Variants in PRKAG2 observed in about 807,000 individuals in gnomAD.
PRKAG2 encodes the protein 5'-AMP-activated protein kinase subunit gamma-2.
A neutral mutation model predicts 69.6 loss-of-function variants in PRKAG2; 26 were observed. The ratio of observed to expected loss-of-function variants is 0.37; its 90% confidence interval spans 0.27 to 0.52. PRKAG2 has a LOEUF of 0.52. Among genes scored for constraint, PRKAG2 ranks in the 20% least tolerant of loss-of-function variants. The pLI, the probability that PRKAG2 is intolerant of heterozygous loss-of-function variation, is 0.90. For missense variants in PRKAG2, 557 were observed against 740.0 expected (o/e 0.75, Z 2.87); for synonymous variants, 293 against 285.0 (o/e 1.03, Z -0.28).
chr7:151,813,528 C>T lies in PRKAG2; in HGVS notation c.115-26987G>A, dbSNP rs549186324. 1.1e-4 allele frequency among the ~76,000 whole-genome samples: 17 copies of T among 151,152 alleles called. 1 individual carries two copies. The highest frequency in any genetic ancestry group is 9.9e-4 in the Admixed American group (15 of 15,172). On this transcript the variant is annotated intron_variant, in intron 1 of 15. Coordinates refer to ENST00000287878, the MANE Select transcript of PRKAG2 (RefSeq NM_016203.4). ...AAAAGGACATGGCTTACTCAAAGTG[C>T]CATGCATCAATGTCACAGAAGGGCG...
At chr7:151,761,875 A>G (rs2075432516) in intron 3 of PRKAG2, among the ~76,000 whole-genome samples, 1 of 152,262 alleles carries the variant, frequency 6.6e-6, no homozygotes, top group South Asian at 2.1e-4. Flanking sequence ...ATGTCCCCAG[A>G]CCACAGTCAA....
At chr7:151,740,464 T>C (rs904264531) in intron 3 of PRKAG2, among the ~76,000 whole-genome samples, 1 of 152,246 alleles carries the variant, frequency 6.6e-6, no homozygotes, top group Non-Finnish European at 1.5e-5. Context: ...CCTGGCAGCC[T>C]GCCCACACCT....
chr7:151,765,071 G>A (rs1246037477), intron 3 of PRKAG2, among the ~76,000 whole-genome samples: 3 of 152,222 alleles, frequency 2.0e-5, no homozygotes, highest in African/African-American at 7.2e-5. Flanking sequence ...GGGAGCCTAA[G>A]TCAAGGTGTG....
intron 3 of PRKAG2, among the ~76,000 whole-genome samples, chr7:151,704,783 C>T (rs899660327): frequency 2.0e-5 from 3 of 152,218 alleles, no homozygotes; most frequent in African/African-American, 7.2e-5. Flanking sequence ...CTCTCTGCCT[C>T]CCGGGGCGCC....
At chr7:151,676,138 C>T (rs1469210210) in intron 3 of PRKAG2, among the ~76,000 whole-genome samples, 3 of 151,756 alleles carry the variant, frequency 2.0e-5, no homozygotes, top group East Asian at 3.9e-4. Flanking sequence ...CAAGAGCAAA[C>T]GCAGTGGTGC....
At chr7:151,561,593 C>T (rs1192620839) in intron 14 of PRKAG2, among the ~76,000 whole-genome samples, 1 of 152,198 alleles carries the variant, frequency 6.6e-6, no homozygotes, top group Non-Finnish European at 1.5e-5. Context: ...GTTTCTGTAA[C>T]AGGCCTTTCA....
chr7:151,784,943 C>A (rs891890050), intron 2 of PRKAG2, among the ~76,000 whole-genome samples: 7 of 152,200 alleles, frequency 4.6e-5, no homozygotes, highest in African/African-American at 1.7e-4. Context: ...GAAAGCCAGG[C>A]GGAGGGACAG....
intron 3 of PRKAG2, among the ~76,000 whole-genome samples, chr7:151,704,413 G>A (rs969587162): frequency 5.3e-5 from 8 of 152,140 alleles, no homozygotes; most frequent in African/African-American, 1.7e-4. Context: ...CTTGCTCAGT[G>A]TTGGTTGTGA....
chr7:151,743,960 C>A (rs562856877), intron 3 of PRKAG2, among the ~76,000 whole-genome samples: 1 of 152,334 alleles, frequency 6.6e-6, no homozygotes, highest in Admixed American at 6.5e-5. Flanking sequence ...CATCTGGATG[C>A]TGCAAAACAT....
At chr7:151,845,015 A>C (rs866942695) in intron 1 of PRKAG2, among the ~76,000 whole-genome samples, 1 of 150,178 alleles carries the variant, frequency 6.7e-6, no homozygotes, top group African/African-American at 2.5e-5. Context: ...GCGGAGCTCC[A>C]GGGATGGCGG....
At chr7:151,648,843 C>A (rs1447705058) in intron 4 of PRKAG2, among the ~76,000 whole-genome samples, 1 of 151,960 alleles carries the variant, frequency 6.6e-6, no homozygotes, top group East Asian at 1.9e-4. Flanking sequence ...ATAGTGAGAC[C>A]CCCGTCTCTT....
chr7:151,776,642 C>T (rs2151793513), intron 3 of PRKAG2, among the ~76,000 whole-genome samples: 1 of 152,362 alleles, frequency 6.6e-6, no homozygotes, highest in East Asian at 1.9e-4. Flanking sequence ...TGCACTTCTG[C>T]CATAGGAAAA....
intron 4 of PRKAG2, among the ~76,000 whole-genome samples, chr7:151,663,625 G>A (rs754198746): frequency 1.3e-5 from 2 of 152,178 alleles, no homozygotes; most frequent in African/African-American, 2.4e-5. Flanking sequence ...CTCCTAGACC[G>A]CTGGGATTAC....
chr7:151,608,830 T>C (rs558277196), intron 5 of PRKAG2, among the ~76,000 whole-genome samples: 48 of 152,050 alleles, frequency 3.2e-4, no homozygotes, highest in African/African-American at 1.1e-3. Context: ...ACATGGATTT[T>C]TTTTTTTGTA....
chr7:151,652,208 T>G lies in PRKAG2; in HGVS notation c.685-20070A>C, dbSNP rs1216511967. ...AAACCCCACCACTTGTCAAGAAGGC[T>G]ATCCACAATTATCTGAAGAGGTAAA... On this transcript the variant is annotated intron_variant, in intron 4 of 15. Transcript: ENST00000287878. Among the ~76,000 whole-genome samples, 3 of 152,368 alleles carry G rather than the reference T, an allele frequency of 2.0e-5. No homozygotes were observed. The East Asian group carries it at 5.8e-4, about 29-fold the overall frequency.
intron 3 of PRKAG2, among the ~76,000 whole-genome samples, chr7:151,754,954 G>T (rs2074978936): frequency 6.6e-6 from 1 of 152,120 alleles, no homozygotes; most frequent in Non-Finnish European, 1.5e-5. Context: ...CAGGCTCTCT[G>T]AGAGGCAGGC....
intron 5 of PRKAG2, among the ~76,000 whole-genome samples, chr7:151,605,936 C>CAAAAA (rs560080587): frequency 2.5e-4 from 23 of 91,028 alleles, no homozygotes; most frequent in African/African-American, 7.4e-4. Flanking sequence ...GACTCCGTCT[C>CAAAAA]AAAAAAAAAA....
At chr7:151,568,908 C>T in intron 10 of PRKAG2, 66 bp from the exon 11 acceptor site, 1 of 1,575,876 alleles carries the variant, frequency 6.3e-7, no homozygotes, top group Non-Finnish European at 8.7e-7. Context: ...TTGGACTACC[C>T]CTGCCTTAAA....
rs143856520 is a variant in PRKAG2, at chr7:151,853,559, C to A, written c.114+22948G>T. ...GGATCACGAGGTCAGGAGATTGAGA[C>A]CATCTTGGCTAACACAGTGAAATGC... On this transcript the variant is annotated intron_variant, in intron 1 of 15. Coordinates refer to ENST00000287878, the MANE Select transcript of PRKAG2 (RefSeq NM_016203.4). Among the ~76,000 whole-genome samples the A allele has an allele frequency of 9.6e-3, 1,461 of 152,044 alleles. 27 individuals carry two copies. Among genetic ancestry groups the A allele is most frequent in the African/African-American group, 0.033 (1,383 of 41,436 alleles).
Sources: allele counts gnomAD v4.1 joint callset (sites outside exome capture counted in the v4.1 genomes callset), GRCh38; gene constraint gnomAD v4.1.1; transcripts MANE v1.5; gene names NCBI Gene and HGNC (gene_info 2026-07-23, HGNC 2026-07-21).